The following CAMK2G variants were observed in gnomAD, a reference collection of about 807,000 sequenced individuals.
CAMK2G encodes the protein calcium/calmodulin-dependent protein kinase type II subunit gamma.
In CAMK2G, 23 loss-of-function variants were observed where a neutral mutation model predicts 88.7. The ratio of observed to expected loss-of-function variants is 0.26; its 90% CI spans 0.19 to 0.37. The LOEUF is 0.37. Among genes scored for constraint, CAMK2G ranks in the 10% least tolerant of loss-of-function variants. The pLI is 1.00. For synonymous variants in CAMK2G, 263 were observed against 294.8 expected (o/e 0.89, Z 1.11); for missense variants, 476 against 780.8 (o/e 0.61, Z 4.65).
At chr10:73,863,758 A>G (rs538382148) in intron 2 of CAMK2G, among the ~76,000 whole-genome samples, 20 of 152,330 alleles carry the variant, frequency 1.3e-4, no homozygotes, top group Non-Finnish European at 2.6e-4. Context: ...TGGAGAGAAG[A>G]TACACAGACT....
Position 73,848,444 on chromosome 10 carries a change from G to A in CAMK2G, c.601+82C>T, listed in dbSNP as rs1015789528. On this transcript the variant is annotated intron_variant, in intron 8 of 22. Transcript: ENST00000423381. This position sits in a 1 kb window ranked among gnomAD's most constrained non-coding sequence, Gnocchi z 4.5. Reference sequence around the variant, plus strand: ...ACCAGGCACGTGTGTGACCTGCAAGGAATAGCGATGCCTCTTTCTTGCCAT... The same window carrying A: ...ACCAGGCACGTGTGTGACCTGCAAGAAATAGCGATGCCTCTTTCTTGCCAT... 23 of 904,108 alleles carry A rather than the reference G, an allele frequency of 2.5e-5. No individual in the cohort carries two copies. Among genetic ancestry groups the A allele is most frequent in the Non-Finnish European group, 3.8e-5 (21 of 548,696 alleles). The allele number at this position is 904,108 out of a possible 1,614,324, so 56.0% of individuals were successfully genotyped here.
rs2094769281 is a variant in CAMK2G at position 73,853,173 on chromosome 10, C to T, written c.275+19G>A. The T allele has an allele frequency of 3.1e-6, 5 of 1,612,538 alleles. No individual in the cohort carries two copies. Among genetic ancestry groups the T allele is most frequent in the Non-Finnish European group, 4.2e-6 (5 of 1,178,628 alleles). On this transcript the variant is annotated intron_variant, in intron 4 of 22. Transcript: ENST00000423381. ...AGCTAGAGGGAAAGGCCCCCACACC[C>T]TCAGAAAGTGGCACTTACAGGTCAA... is the stretch of plus-strand genomic sequence containing the variant.
At position 73,848,937 on chromosome 10, in the gene CAMK2G, T is replaced by C; in HGVS notation, c.517+76A>G. On this transcript the variant is annotated intron_variant, in intron 7 of 22. Transcript: ENST00000423381. This position sits in a 1 kb window ranked among gnomAD's most constrained non-coding sequence, Gnocchi z 4.5. ...GGACCATTAAGGGTCTGGCTTCTAGTTCTAATAGAGGAAGGCAGATCAGGA... is the reference window on the plus strand; with the variant it reads ...GGACCATTAAGGGTCTGGCTTCTAGCTCTAATAGAGGAAGGCAGATCAGGA... The C allele has an allele frequency of 1.0e-6, 1 of 960,872 alleles. No homozygotes were observed. The highest frequency in any genetic ancestry group is 1.7e-6 in the Non-Finnish European group (1 of 584,958). The allele number at this position is 960,872 out of a possible 1,614,324, so 59.5% of individuals were successfully genotyped here. A position where few individuals can be genotyped will look rare whatever the true frequency, so the allele number is the denominator to read the frequency against.
chr10:73,817,399 A>T, intron 20 of CAMK2G, 80 bp downstream of exon 20: 1 of 1,052,034 alleles, frequency 9.5e-7, no homozygotes, highest in African/African-American at 1.6e-5. Context: ...CCCTTTCCCC[A>T]GGGTCCTAAT....
chr10:73,834,728 C>T (rs3812634), intron 14 of CAMK2G, among the ~76,000 whole-genome samples: 26,568 of 152,184 alleles, frequency 0.17, 2,430 homozygotes, highest in South Asian at 0.23. Flanking sequence ...GCCTCCAGAA[C>T]ATGAATTCCA....
intron 10 of CAMK2G, among the ~76,000 whole-genome samples, chr10:73,845,214 T>C (rs12221230): frequency 0.16 from 24,368 of 152,056 alleles, 2,180 homozygotes; most frequent in South Asian, 0.25. Context: ...TTTTCTAATC[T>C]CTAGGACCAT....
intron 10 of CAMK2G, among the ~76,000 whole-genome samples, chr10:73,845,398 C>T (rs764409282): frequency 2.6e-5 from 4 of 151,868 alleles, no homozygotes; most frequent in South Asian, 2.1e-4. Flanking sequence ...CTGACTAACA[C>T]GGTGAAACCC....
Position 73,839,146 on chromosome 10 carries a change from C to T in CAMK2G, c.1009+393G>A, listed in dbSNP as rs146690727. The stretch of plus-strand genomic sequence containing the variant: ...CCAGACTTCACAATTTTGAGGAGCG[C>T]GGCTCCTCTGTGGGGTCTTAAACAG... On this transcript the variant is annotated intron_variant, in intron 13 of 22. Coordinates refer to ENST00000423381, the MANE Select transcript of CAMK2G (RefSeq NM_001367534.1). The surrounding 1 kb of genome is among the most constrained non-coding windows in gnomAD (Gnocchi z 4.2). 7.4e-4 allele frequency among the ~76,000 whole-genome samples: 112 copies of T among 152,292 alleles called. No individual in the cohort carries two copies. In the East Asian group the frequency reaches 0.012, roughly 16 times the overall value.
rs547593607 is a variant in CAMK2G, at chr10:73,868,114, G to C, written c.160+4875C>G. On this transcript the variant is annotated intron_variant, in intron 2 of 22. Transcript: ENST00000423381. ...CTTGTTGGTCTGCCAAAGCTGTTCA[G>C]AGAGCAGCAAGCATACAGATGGGAG... is the stretch of plus-strand genomic sequence containing the variant. 9.8e-5 allele frequency among the ~76,000 whole-genome samples: 15 copies of C among 152,286 alleles called. No individual in the cohort carries two copies. The East Asian group carries it at 2.7e-3, about 27-fold the overall frequency.
At chr10:73,861,832 A>C (rs896380804) in intron 2 of CAMK2G, among the ~76,000 whole-genome samples, 3 of 152,198 alleles carry the variant, frequency 2.0e-5, no homozygotes, top group Non-Finnish European at 2.9e-5. Flanking sequence ...GATGACTTAA[A>C]ATAATAATAG....
chr10:73,852,166 G>C (rs1009522583), intron 5 of CAMK2G, 88 bp downstream of exon 5: 34 of 927,720 alleles, frequency 3.7e-5, no homozygotes, highest in Non-Finnish European at 5.6e-5. Context: ...TATTCAAACA[G>C]GTACAATGCT....
At chr10:73,864,643 T>C (rs1034277918) in intron 2 of CAMK2G, among the ~76,000 whole-genome samples, 7 of 151,354 alleles carry the variant, frequency 4.6e-5, no homozygotes, top group Admixed American at 4.0e-4. Flanking sequence ...CTTTTGTTTG[T>C]TTTTTTTGCT....
At chr10:73,855,472 C>G (rs922203610) in intron 3 of CAMK2G, among the ~76,000 whole-genome samples, 11 of 152,344 alleles carry the variant, frequency 7.2e-5, no homozygotes, top group African/African-American at 2.4e-4. Flanking sequence ...AGCCACTCAG[C>G]TCTGCCTGGG....
chr10:73,835,844 C>A (rs1231458954), intron 14 of CAMK2G, among the ~76,000 whole-genome samples: 2 of 151,916 alleles, frequency 1.3e-5, no homozygotes, highest in Non-Finnish European at 2.9e-5. Flanking sequence ...TTTCTCTTTT[C>A]TTTATTTTCA....
chr10:73,819,383 G>A (rs2133241042), intron 19 of CAMK2G, 149 bp downstream of exon 19: 1 of 657,600 alleles, frequency 1.5e-6, no homozygotes, highest in South Asian at 1.7e-5. Flanking sequence ...AGCACCTCCA[G>A]TCTACCCCCC....
intron 17 of CAMK2G, among the ~76,000 whole-genome samples, chr10:73,822,415 G>A (rs1231441104): frequency 5.9e-5 from 9 of 152,104 alleles, no homozygotes; most frequent in Non-Finnish European, 1.0e-4. Context: ...TGATCCACTC[G>A]CCTCGGCCTT....
At chr10:73,862,036 C>A (rs2095401441) in intron 2 of CAMK2G, among the ~76,000 whole-genome samples, 1 of 152,124 alleles carries the variant, frequency 6.6e-6, no homozygotes, top group Admixed American at 6.5e-5. Context: ...AATTCAGACT[C>A]CAGGATTACT....
chr10:73,851,951 T>TACA (rs2094659272), intron 5 of CAMK2G, among the ~76,000 whole-genome samples: 1 of 152,146 alleles, frequency 6.6e-6, no homozygotes, highest in South Asian at 2.1e-4. Context: ...TTCACTATGT[T>TACA]GGCCAGGCTG....
At chr10:73,850,446 T>G (rs939374300) in intron 5 of CAMK2G, among the ~76,000 whole-genome samples, 3 of 152,142 alleles carry the variant, frequency 2.0e-5, no homozygotes, top group African/African-American at 7.2e-5. Context: ...CAGGGGACAT[T>G]TGGCAATGCC....
Sources: allele counts gnomAD v4.1 joint callset (sites outside exome capture counted in the v4.1 genomes callset), GRCh38; gene constraint gnomAD v4.1.1; non-coding constraint Gnocchi (gnomAD v3.1); transcripts MANE v1.5; gene names NCBI Gene and HGNC (gene_info 2026-07-23, HGNC 2026-07-21).